The following KDM2A variants were observed in gnomAD, a reference collection of about 807,000 sequenced individuals.
The protein encoded by KDM2A is lysine-specific demethylase 2A.
A neutral mutation model predicts 137.3 loss-of-function variants in KDM2A; 3 were observed. The observed-to-expected ratio is 0.02, with a 90% confidence interval of 0.01 to 0.06. The LOEUF (loss-of-function observed/expected upper bound fraction) is 0.06, where lower values mean the gene tolerates loss of function less well. Among genes scored for constraint, KDM2A ranks in the 10% least tolerant of loss-of-function variants. KDM2A has a pLI of 1.00. For synonymous variants in KDM2A, 512 were observed against 541.5 expected, an observed-to-expected ratio of 0.95 and a Z score of 0.76; for missense variants, 738 against 1,510.6, an observed-to-expected ratio of 0.49 and a Z score of 8.48.
intron 11 of KDM2A, among the ~76,000 whole-genome samples, chr11:67,229,598 C>T (rs548809875): frequency 3.9e-5 from 6 of 152,206 alleles, no homozygotes; most frequent in Non-Finnish European, 7.4e-5. Context: ...GGGCCTGGCA[C>T]GGTGGCTCAC....
intron 12 of KDM2A, among the ~76,000 whole-genome samples, chr11:67,232,346 T>A (rs1390392284): frequency 6.6e-6 from 1 of 152,198 alleles, no homozygotes; most frequent in East Asian, 1.9e-4. Context: ...TTGAGAGAAA[T>A]GAAATTGTTC....
intron 6 of KDM2A, 34 bp from the exon 7 acceptor site, chr11:67,215,306 T>C: frequency 6.9e-7 from 1 of 1,442,672 alleles, no homozygotes; most frequent in Non-Finnish European, 9.7e-7. Flanking sequence ...AACCTTTCCC[T>C]TGGAGCCCAA....
chr11:67,168,842 G>A (rs577073452), intron 2 of KDM2A, among the ~76,000 whole-genome samples: 1 of 152,118 alleles, frequency 6.6e-6, no homozygotes, highest in East Asian at 1.9e-4. Context: ...CAGAGTGAAA[G>A]CCTGAGGTTG....
chr11:67,224,777 C>A (rs1191042415), intron 10 of KDM2A, among the ~76,000 whole-genome samples: 1 of 149,232 alleles, frequency 6.7e-6, no homozygotes, highest in South Asian at 2.1e-4. Context: ...AAATTAATCC[C>A]TTTCTCATTT....
intron 12 of KDM2A, among the ~76,000 whole-genome samples, chr11:67,240,573 A>T (rs541510776): frequency 6.6e-6 from 1 of 152,180 alleles, no homozygotes; most frequent in East Asian, 1.9e-4. Context: ...GGCTTTTGAG[A>T]ATCCTTTCCC....
rs1337144519 is a variant in KDM2A, at chr11:67,252,315, T to C, written c.2769-379T>C. The C allele has an allele frequency of 1.7e-5, 4 of 237,760 alleles. No homozygotes were observed. In the East Asian group the frequency reaches 4.3e-4, roughly 26 times the overall value. The allele number at this position is 237,760 out of a possible 1,614,324, so 14.7% of individuals were successfully genotyped here. A position where few individuals can be genotyped will look rare whatever the true frequency, so the allele number is the denominator to read the frequency against. On this transcript the variant is annotated intron_variant, in intron 17 of 20. Coordinates refer to ENST00000529006, the MANE Select transcript of KDM2A (RefSeq NM_012308.3). ...TCTTAGCTTTAGACAGTAAGAAGTC[T>C]AGAAACTTCAAGAGGCTCCCTTATA...
intron 2 of KDM2A, among the ~76,000 whole-genome samples, chr11:67,125,778 C>CAA (rs1209264085): frequency 1.3e-4 from 13 of 100,296 alleles, no homozygotes; most frequent in African/African-American, 1.5e-4. Context: ...GACTCCATCT[C>CAA]AAAAAAAAAA....
intron 2 of KDM2A, among the ~76,000 whole-genome samples, chr11:67,153,250 C>CTG (rs2136308817): frequency 6.6e-6 from 1 of 152,246 alleles, no homozygotes; most frequent in South Asian, 2.1e-4. Context: ...CTCCCAAGTG[C>CTG]TGGGATTACA....
chr11:67,147,193 A>AT (rs1565377550), intron 2 of KDM2A, among the ~76,000 whole-genome samples: 2 of 152,120 alleles, frequency 1.3e-5, no homozygotes, highest in African/African-American at 4.8e-5. Context: ...TTTGTATTTC[A>AT]TCCAGGCTTG....
rs766502860 is a variant in KDM2A, at chr11:67,180,032, G to C, written c.43-47G>C. 1.9e-6 allele frequency: 3 copies of C among 1,573,494 alleles called. No individual in the cohort carries two copies. The East Asian group carries it at 6.8e-5, about 36-fold the overall frequency. ...GAAATCTATGACCACTTGTAGGTAG[G>C]CATGAAAAAGTGCATGATTTCATCA... On this transcript the variant is annotated intron_variant, in intron 2 of 20. Coordinates refer to ENST00000529006, the MANE Select transcript of KDM2A (RefSeq NM_012308.3).
chr11:67,253,647 G>C, intron 19 of KDM2A, 36 bp downstream of exon 19: 2 of 1,606,244 alleles, frequency 1.2e-6, no homozygotes, highest in East Asian at 4.5e-5. Context: ...TGCTTGTCTT[G>C]GGGTAGCTTT....
intron 2 of KDM2A, among the ~76,000 whole-genome samples, chr11:67,130,961 A>T (rs1855841363): frequency 6.6e-6 from 1 of 151,782 alleles, no homozygotes; most frequent in South Asian, 2.1e-4. Context: ...CAGACCTTGA[A>T]CTCAGGTACC....
At chr11:67,159,300 T>G (rs1856585867) in intron 2 of KDM2A, among the ~76,000 whole-genome samples, 1 of 152,202 alleles carries the variant, frequency 6.6e-6, no homozygotes, top group African/African-American at 2.4e-5. Context: ...CGAGTTACCT[T>G]TGGTCCTGTG....
rs927989457 is a variant in KDM2A at position 67,238,517 on chromosome 11, A to T, written c.1480-4492A>T. 1.5e-4 allele frequency among the ~76,000 whole-genome samples: 23 copies of T among 152,296 alleles called. 1 individual carries two copies. The highest frequency in any genetic ancestry group is 1.3e-3 in the Admixed American group (20 of 15,286). On this transcript the variant is annotated intron_variant, in intron 12 of 20. Coordinates refer to ENST00000529006, the MANE Select transcript of KDM2A (RefSeq NM_012308.3). ...GTCTTAAGATACAGTGTCCGGGAGA[A>T]GTTTAGGGTTAGGATGACCATATAA...
chr11:67,236,615 C>T (rs1858879421), intron 12 of KDM2A, among the ~76,000 whole-genome samples: 1 of 152,184 alleles, frequency 6.6e-6, no homozygotes, highest in Non-Finnish European at 1.5e-5. Context: ...TTTCTCTAAA[C>T]ATTTTGATAA....
intron 5 of KDM2A, among the ~76,000 whole-genome samples, chr11:67,188,040 A>G (rs1241874307): frequency 6.6e-6 from 1 of 152,146 alleles, no homozygotes; most frequent in Non-Finnish European, 1.5e-5. Flanking sequence ...AAAAAAAATA[A>G]TAATAGTAAT....
Position 67,219,418 on chromosome 11 carries a change from GT to G in KDM2A, c.957+16del. The G allele has an allele frequency of 2.1e-6, 3 of 1,442,844 alleles. No individual in the cohort carries two copies. The highest frequency in any genetic ancestry group is 2.9e-6 in the Non-Finnish European group (3 of 1,041,280). 89.4% of individuals were successfully genotyped at this position (1,442,844 alleles called of 1,614,324 possible). ...ATCGGACACGGGTAAGTAATCTTAT[GT>G]AACAGTTGCATGTGAAGAGGTTTAC... On this transcript the variant is annotated intron_variant, in intron 10 of 20. Transcript: ENST00000529006.
chr11:67,235,957 C>A (rs1858860482), intron 12 of KDM2A, among the ~76,000 whole-genome samples: 1 of 152,076 alleles, frequency 6.6e-6, no homozygotes, highest in South Asian at 2.1e-4. Context: ...AAGTTGTATT[C>A]TTGATATATG....
intron 5 of KDM2A, among the ~76,000 whole-genome samples, chr11:67,194,462 C>A (rs1007505049): frequency 3.3e-5 from 5 of 152,176 alleles, no homozygotes; most frequent in African/African-American, 9.7e-5. Flanking sequence ...GTTATGTTAT[C>A]TAGTCAGTTG....
Sources: allele counts gnomAD v4.1 joint callset (sites outside exome capture counted in the v4.1 genomes callset), GRCh38; gene constraint gnomAD v4.1.1; transcripts MANE v1.5; gene names NCBI Gene and HGNC (gene_info 2026-07-23, HGNC 2026-07-21).